Variants in RPS6KC1 observed in about 807,000 individuals in gnomAD.
RPS6KC1 encodes the protein ribosomal protein S6 kinase C1.
A neutral mutation model predicts 103.8 loss-of-function variants in RPS6KC1; 54 were observed. The observed-to-expected ratio is 0.52, with a 90% CI of 0.42 to 0.65. The LOEUF is 0.65. Among genes scored for constraint, RPS6KC1 ranks in the 30% least tolerant of loss-of-function variants. The pLI, the probability that RPS6KC1 is intolerant of heterozygous loss-of-function variation, is 0.00. For synonymous variants in RPS6KC1, 439 were observed against 438.7 expected, an observed-to-expected ratio of 1.00 and a Z score of -0.01; for missense variants, 1,151 against 1,253.8, an observed-to-expected ratio of 0.92 and a Z score of 1.24.
chr1:213,537,312 G>A, the RPS6KC1 span, among the ~76,000 whole-genome samples: 2 of 152,202 alleles, frequency 1.3e-5, no homozygotes, highest in East Asian at 3.9e-4. Context: ...CCATTCTAAG[G>A]CTATACTTAA....
rs1558469390 is a variant in RPS6KC1, at chr1:213,170,517, G to A, written c.951+2544G>A. Among the ~76,000 whole-genome samples, 5 of 152,336 alleles carry A rather than the reference G, an allele frequency of 3.3e-5. No individual in the cohort carries two copies. In the South Asian group the frequency reaches 1.0e-3, roughly 32 times the overall value. On this transcript the variant is annotated intron_variant, in intron 7 of 14. Transcript: ENST00000366960. ...GTAGCATAGTTGAGGACCTGTATAT[G>A]TACATAGTTGAGCAAACAAAGTTAC... is the stretch of plus-strand genomic sequence containing the variant.
the RPS6KC1 span, among the ~76,000 whole-genome samples, chr1:213,363,206 C>A: frequency 1.3e-5 from 2 of 152,188 alleles, no homozygotes; most frequent in East Asian, 3.9e-4. Context: ...CTGACTCTTC[C>A]TCCTGCCTCT....
chr1:213,174,651 CAA>C (rs1382756724), intron 7 of RPS6KC1, among the ~76,000 whole-genome samples: 2 of 103,734 alleles, frequency 1.9e-5, no homozygotes, highest in African/African-American at 7.6e-5. Flanking sequence ...GCCTGGGCGA[CAA>C]GAGCGAAACT....
chr1:213,055,898 A>C (rs1302878900), intron 1 of RPS6KC1, among the ~76,000 whole-genome samples: 1 of 152,016 alleles, frequency 6.6e-6, no homozygotes, highest in Non-Finnish European at 1.5e-5. Flanking sequence ...GCACATGTTT[A>C]TTTTTATTTA....
chr1:213,332,580 G>A, the RPS6KC1 span, among the ~76,000 whole-genome samples: 526 of 152,238 alleles, frequency 3.5e-3, no homozygotes, highest in Admixed American at 6.1e-3. Flanking sequence ...TAGTTAATTC[G>A]GTGTGGGCCA....
At chr1:213,753,803 A>G in the RPS6KC1 span, among the ~76,000 whole-genome samples, 1 of 152,278 alleles carries the variant, frequency 6.6e-6, no homozygotes, top group Admixed American at 6.5e-5. Context: ...AAGCATTCGT[A>G]GGTGCTCCAT....
chr1:213,159,071 A>C (rs1336744173), intron 6 of RPS6KC1, among the ~76,000 whole-genome samples: 1 of 152,128 alleles, frequency 6.6e-6, no homozygotes, highest in African/African-American at 2.4e-5. Flanking sequence ...TTGTCATTTC[A>C]AGATATATGT....
chr1:213,793,023 C>G, the RPS6KC1 span, among the ~76,000 whole-genome samples: 5 of 152,136 alleles, frequency 3.3e-5, no homozygotes, highest in African/African-American at 1.2e-4. Flanking sequence ...TATAAAGAAA[C>G]AAAGTTTTCC....
At chr1:213,398,902 TAG>T in the RPS6KC1 span, among the ~76,000 whole-genome samples, 1 of 152,282 alleles carries the variant, frequency 6.6e-6, no homozygotes, top group South Asian at 2.1e-4. Flanking sequence ...AATGTCCATT[TAG>T]AGTCTATAGG....
chr1:213,407,214 G>A, the RPS6KC1 span, among the ~76,000 whole-genome samples: 11 of 18,418 alleles, frequency 6.0e-4, no homozygotes, highest in Admixed American at 3.3e-3. Flanking sequence ...TTACATGCAC[G>A]CGCGCACACA....
intron 3 of RPS6KC1, among the ~76,000 whole-genome samples, chr1:213,103,083 C>A (rs182935150): frequency 1.3e-5 from 2 of 151,812 alleles, no homozygotes; most frequent in Admixed American, 1.3e-4. Flanking sequence ...GCCTGTAGTC[C>A]CAGCTTCTTG....
the RPS6KC1 span, among the ~76,000 whole-genome samples, chr1:213,627,096 T>C: frequency 2.6e-5 from 4 of 152,228 alleles, no homozygotes; most frequent in Admixed American, 6.5e-5. Flanking sequence ...TCCTCTTTTA[T>C]TTCATTGAGC....
the RPS6KC1 span, among the ~76,000 whole-genome samples, chr1:213,613,013 C>A: frequency 2.8e-4 from 43 of 152,296 alleles, no homozygotes; most frequent in African/African-American, 1.0e-3. Context: ...GCTTTTATGT[C>A]TGCGGGCATT....
At chr1:213,759,740 G>A in the RPS6KC1 span, among the ~76,000 whole-genome samples, 4 of 152,208 alleles carry the variant, frequency 2.6e-5, no homozygotes, top group Non-Finnish European at 5.9e-5. Flanking sequence ...CATGTGGGAG[G>A]CAATGGTCCT....
chr1:213,101,976 T>A (rs1358155111), intron 3 of RPS6KC1, among the ~76,000 whole-genome samples: 1 of 152,204 alleles, frequency 6.6e-6, no homozygotes, highest in Non-Finnish European at 1.5e-5. Context: ...TTCTTGCAGA[T>A]TTGTTTCTAG....
At chr1:213,722,278 T>C in the RPS6KC1 span, among the ~76,000 whole-genome samples, 12 of 152,294 alleles carry the variant, frequency 7.9e-5, no homozygotes, top group African/African-American at 2.9e-4. Flanking sequence ...AAATCTTTGC[T>C]GAAACATGAC....
chr1:213,164,956 T>C (rs1232961132), intron 6 of RPS6KC1, among the ~76,000 whole-genome samples: 1 of 152,226 alleles, frequency 6.6e-6, no homozygotes, highest in Non-Finnish European at 1.5e-5. Context: ...GTGTGTATTT[T>C]AAAAGGGAGA....
At chr1:213,325,680 A>G in the RPS6KC1 span, among the ~76,000 whole-genome samples, 1 of 152,186 alleles carries the variant, frequency 6.6e-6, no homozygotes, top group Non-Finnish European at 1.5e-5. Flanking sequence ...AGTGGATCTA[A>G]GCAGAGTCCG....
At chr1:213,204,094 T>C (rs758739549) in intron 8 of RPS6KC1, among the ~76,000 whole-genome samples, 1 of 152,232 alleles carries the variant, frequency 6.6e-6, no homozygotes, top group African/African-American at 2.4e-5. Flanking sequence ...ATAGTACTTC[T>C]TAAACTGTTT....
Sources: gnomAD v4.1 joint callset for allele counts (sites outside exome capture counted in the v4.1 genomes callset) on GRCh38, gnomAD v4.1.1 for gene constraint, MANE v1.5 for transcripts, NCBI Gene and HGNC (gene_info 2026-07-23, HGNC 2026-07-21) for gene names.